CAPN13: variants seen among roughly 807,000 people sequenced by gnomAD.
CAPN13 encodes the protein calpain-13.
A neutral mutation model predicts 98.4 loss-of-function variants in CAPN13; 90 were observed. The ratio of observed to expected loss-of-function variants is 0.92; its 90% CI spans 0.77 to 1.09. The LOEUF (loss-of-function observed/expected upper bound fraction) is 1.09, where lower values mean the gene tolerates loss of function less well. Ranked by LOEUF, CAPN13 falls within the 50% of genes least tolerant of loss-of-function variation. The probability of loss-of-function intolerance (pLI) is 0.00; values close to 1 mark genes in which losing one functional copy is unlikely to be tolerated. For synonymous variants in CAPN13, 330 were observed against 305.5 expected (o/e 1.08, Z -0.84); for missense variants, 887 against 841.3 (o/e 1.05, Z -0.67).
chr2:30,790,637 C>T (rs1476590913), intron 1 of CAPN13, among the ~76,000 whole-genome samples: 1 of 152,198 alleles, frequency 6.6e-6, no homozygotes, highest in East Asian at 1.9e-4. Context: ...TGAGCTTGGG[C>T]TGCCATAGCA....
intron 5 of CAPN13, among the ~76,000 whole-genome samples, chr2:30,769,480 G>T (rs1378729081): frequency 1.3e-5 from 2 of 152,128 alleles, no homozygotes; most frequent in East Asian, 3.9e-4. Context: ...TTCATCACCT[G>T]TGTGGGTGTT....
intron 9 of CAPN13, among the ~76,000 whole-genome samples, chr2:30,753,769 C>T (rs931368312): frequency 1.1e-4 from 16 of 152,294 alleles, no homozygotes; most frequent in African/African-American, 2.9e-4. Context: ...AACCAGACAA[C>T]CCTCTGAGGA....
chr2:30,745,335 T>C (rs928828964), intron 12 of CAPN13: 3 of 492,284 alleles, frequency 6.1e-6, no homozygotes, highest in Non-Finnish European at 1.2e-5. Flanking sequence ...TTGGAGAGCA[T>C]GCATCCTGCT....
In CAPN13 at chr2:30,764,198, G is replaced by T. The variant is rs751858084; in HGVS notation, c.633C>A (p.Asp211Glu). ...TCGCTGTCTTCACTGCCTTCACCAG[G>T]TCCACAGGGGAAGAGTGCAGATGGA... ...TNIHLHSSPVDLVKAVKTATK... is the reference protein window; with the variant it reads ...TNIHLHSSPVELVKAVKTATK... Residue 211 changes from aspartate (D) to glutamate (E), a missense_variant, in exon 6 of 23, where the codon GAC becomes GAA. By Grantham distance (45) the Asp-to-Glu change is conservative (BLOSUM62 2). Coordinates refer to ENST00000295055, the MANE Select transcript of CAPN13 (RefSeq NM_144575.3). The T allele has an allele frequency of 1.2e-6, 2 of 1,609,070 alleles. No homozygotes were observed. The highest frequency in any genetic ancestry group is 1.7e-6 in the Non-Finnish European group (2 of 1,177,838).
intron 3 of CAPN13, among the ~76,000 whole-genome samples, 152 bp from the exon 4 acceptor site, chr2:30,776,197 T>C (rs529946264): frequency 6.7e-6 from 1 of 150,300 alleles, no homozygotes; most frequent in African/African-American, 2.4e-5. Flanking sequence ...GGGGAGGGAG[T>C]CACAGGGACT....
intron 20 of CAPN13, 93 bp downstream of exon 20, chr2:30,732,345 C>T (rs781018332): frequency 2.2e-5 from 33 of 1,531,290 alleles, no homozygotes; most frequent in Middle Eastern, 2.3e-4. Flanking sequence ...TGAGGCCTCA[C>T]GCAGACCTGG....
intron 7 of CAPN13, among the ~76,000 whole-genome samples, chr2:30,760,863 T>C (rs1048468699): frequency 1.3e-5 from 2 of 152,218 alleles, no homozygotes; most frequent in Non-Finnish European, 2.9e-5. Flanking sequence ...CTTCACTCCC[T>C]GGCCTCTGAC....
chr2:30,758,058 C>G lies in CAPN13; in HGVS notation c.854G>C (p.Arg285Pro), dbSNP rs765043713. The G allele has an allele frequency of 3.7e-6, 6 of 1,610,654 alleles. No homozygotes were observed. Among genetic ancestry groups the G allele is most frequent in the Non-Finnish European group, 5.1e-6 (6 of 1,178,580 alleles). Residue 285 changes from arginine to proline, a missense_variant, in exon 8 of 23, where the codon CGC becomes CCC. Arg to Pro is a moderately radical substitution (Grantham distance 103). Transcript: ENST00000295055. ...CCAGAAGCCATACCCATCACTCCAGCGCCCTCTCCATTCGGCCTCGCCCCA... is the reference window on the plus strand; with the variant it reads ...CCAGAAGCCATACCCATCACTCCAGGGCCCTCTCCATTCGGCCTCGCCCCA... ...WGWGEAEWRG[R>P]WSDGSQEWEE... is the part of the protein sequence containing the mutation.
rs569128975 is a variant in CAPN13, at chr2:30,730,208, G to GA, written c.*30+521dup. On this transcript the variant is annotated intron_variant, in intron 22 of 22. Transcript: ENST00000295055. ...TATGTAACTCTAGGGTCTGTTTCATGAAAAAAAATGTAGAGGAAATGACGT... is the reference window on the plus strand; with the variant it reads ...TATGTAACTCTAGGGTCTGTTTCATGAAAAAAAAATGTAGAGGAAATGACGT... Among the ~76,000 whole-genome samples, 1,082 of 152,022 alleles carry GA rather than the reference G, an allele frequency of 7.1e-3. 13 individuals carry two copies. The highest frequency in any genetic ancestry group is 0.025 in the African/African-American group (1,036 of 41,476).
chr2:30,775,448 G>A (rs1349775615), intron 4 of CAPN13, among the ~76,000 whole-genome samples: 1 of 152,048 alleles, frequency 6.6e-6, no homozygotes, highest in South Asian at 2.1e-4. Flanking sequence ...CTGCTGCATT[G>A]TGTATCACAG....
intron 4 of CAPN13, among the ~76,000 whole-genome samples, chr2:30,774,126 T>C (rs1015226420): frequency 3.3e-5 from 5 of 152,060 alleles, no homozygotes; most frequent in Admixed American, 1.3e-4. Flanking sequence ...AAACTAAAAA[T>C]GTATTATCTT....
intron 4 of CAPN13, 148 bp from the exon 5 acceptor site, chr2:30,770,597 C>T (rs1673352642): frequency 1.1e-6 from 1 of 919,668 alleles, no homozygotes; most frequent in Non-Finnish European, 1.6e-6. Context: ...GGTTGCCAGG[C>T]AGGAGACAGG....
chr2:30,754,219 G>T, intron 9 of CAPN13, 71 bp downstream of exon 9: 1 of 1,223,408 alleles, frequency 8.2e-7, no homozygotes, highest in East Asian at 2.8e-5. Context: ...AAATGTTCAG[G>T]GAAAAGGGTA....
chr2:30,764,042 C>T (rs1321850476), intron 6 of CAPN13, 90 bp downstream of exon 6: 15 of 1,335,070 alleles, frequency 1.1e-5, no homozygotes, highest in Non-Finnish European at 1.4e-5. Flanking sequence ...GGCAGCTTGC[C>T]ACATCCTCCT....
chr2:30,755,237 T>A (rs1263803781), intron 8 of CAPN13, among the ~76,000 whole-genome samples: 1 of 152,102 alleles, frequency 6.6e-6, no homozygotes, highest in African/African-American at 2.4e-5. Context: ...GGGCATTGCC[T>A]CTGGGAAGCC....
At chr2:30,783,257 A>G (rs1674085938) in intron 2 of CAPN13, among the ~76,000 whole-genome samples, 1 of 152,204 alleles carries the variant, frequency 6.6e-6, no homozygotes, top group Non-Finnish European at 1.5e-5. Context: ...CCTCACATGT[A>G]AGTATAATCT....
intron 1 of CAPN13, among the ~76,000 whole-genome samples, chr2:30,788,437 C>G (rs377720016): frequency 6.6e-6 from 1 of 152,172 alleles, no homozygotes. Flanking sequence ...AAATGTACCA[C>G]GTCCTCCATC....
chr2:30,729,117 G>A (rs1221079151), intron 22 of CAPN13, among the ~76,000 whole-genome samples: 2 of 152,198 alleles, frequency 1.3e-5, no homozygotes, highest in Non-Finnish European at 1.5e-5. Flanking sequence ...TGAGGAAGAA[G>A]TGGGGAGATA....
In CAPN13 at chr2:30,734,513, C is replaced by T. The variant is rs755021013; in HGVS notation, c.1734G>A (p.Gln578=). 6.8e-6 allele frequency: 11 copies of T among 1,613,662 alleles called. No individual in the cohort carries two copies. Among genetic ancestry groups the T allele is most frequent in the South Asian group, 2.2e-5 (2 of 91,066 alleles). ...GGACTCCAGGGCTTGTCTGAACCTT[C>T]TGGAAAACATGCTAATAGGGGAAGA... ...KRLVHYQHVF[Q]KVQTSPGVLL... The change falls in exon 19 of 23, where the codon CAG becomes CAA. Residue 578 remains glutamine, a synonymous_variant. Transcript: ENST00000295055.
Sources: gnomAD v4.1 joint callset for allele counts (sites outside exome capture counted in the v4.1 genomes callset) on GRCh38, gnomAD v4.1.1 for gene constraint, MANE v1.5 for transcripts, NCBI Gene and HGNC (gene_info 2026-07-23, HGNC 2026-07-21) for gene names.